The following PHC2 variants were observed in gnomAD, a reference collection of about 807,000 sequenced individuals.
PHC2 encodes polyhomeotic-like protein 2.
A neutral mutation model predicts 87.4 loss-of-function variants in PHC2; 29 were observed. That is an observed-to-expected ratio of 0.33 (90% CI 0.25 to 0.45). The LOEUF (loss-of-function observed/expected upper bound fraction) is 0.45, where lower values mean the gene tolerates loss of function less well. PHC2 is among the 20% of genes least tolerant of loss of function. The pLI is 1.00. For synonymous variants in PHC2, 438 were observed against 461.7 expected (o/e 0.95, Z 0.66); for missense variants, 857 against 1,136.7 (o/e 0.75, Z 3.54).
chr1:33,333,983 G>T, intron 10 of PHC2, 107 bp downstream of exon 10: 1 of 969,950 alleles, frequency 1.0e-6, no homozygotes, highest in South Asian at 1.5e-5. Context: ...AGCAAGGAAA[G>T]AGCAAATTGT....
intron 1 of PHC2, among the ~76,000 whole-genome samples, chr1:33,417,348 T>G (rs1447373124): frequency 6.6e-6 from 1 of 152,116 alleles, no homozygotes; most frequent in Non-Finnish European, 1.5e-5. Flanking sequence ...AGCAGAAATT[T>G]TTATATTGGA....
intron 1 of PHC2, among the ~76,000 whole-genome samples, chr1:33,399,476 G>A (rs1027303866): frequency 7.2e-5 from 11 of 152,204 alleles, no homozygotes; most frequent in African/African-American, 2.7e-4. Flanking sequence ...CCTGTCAGAT[G>A]CCATGTGAAC....
At chr1:33,375,871 G>A (rs570177250) in intron 1 of PHC2, among the ~76,000 whole-genome samples, 4 of 152,280 alleles carry the variant, frequency 2.6e-5, no homozygotes, top group African/African-American at 9.6e-5. Flanking sequence ...GGAGGATGTG[G>A]GTCAGTTATA....
rs890610555 is a variant in PHC2 at position 33,372,408 on chromosome 1, C to T, written c.214G>A (p.Ala72Thr). The T allele has an allele frequency of 1.1e-5, 17 of 1,603,036 alleles. No individual in the cohort carries two copies. The highest frequency in any genetic ancestry group is 1.9e-4 in the Middle Eastern group (1 of 5,388). Residue 72 changes from alanine to threonine, a missense_variant, in exon 3 of 15, where the codon GCT (alanine) becomes ACT (threonine). Ala to Thr is a moderately conservative substitution (Grantham distance 58). Around this residue, in one of 3 missense-constraint regions of PHC2, gnomAD observed 832 missense variants for 1,081.8 expected, o/e 0.77. Coordinates refer to ENST00000683057, the MANE Select transcript of PHC2 (RefSeq NM_001385109.1). ...QALHRQPSTA[A>T]QYLQQMYAAQ... is the part of the protein sequence containing the mutation. ...GCGTACATCTGCTGCAGGTACTGAG[C>T]GGCCGTGCTGGGCTGTCTGTGCAGG...
At chr1:33,390,685 AT>A (rs10616049) in intron 1 of PHC2, among the ~76,000 whole-genome samples, 34,853 of 148,102 alleles carry the variant, frequency 0.24, 7,286 homozygotes, top group African/African-American at 0.57. Context: ...AGGAGTCAGC[AT>A]TTTTTTTTTT....
chr1:33,375,438 ACTG>A lies in PHC2; in HGVS notation c.99_101del (p.Ser34del), dbSNP rs772294678. 17 of 1,612,270 alleles carry A rather than the reference ACTG, an allele frequency of 1.1e-5. No individual in the cohort carries two copies. The South Asian group carries it at 1.9e-4, about 18-fold the overall frequency. On this transcript the variant is annotated inframe_deletion, in exon 2 of 15. Coordinates refer to ENST00000683057, the MANE Select transcript of PHC2 (RefSeq NM_001385109.1). Reference sequence around the variant, plus strand: ...GCCCGGTGGGGCGGCCACTTCCACCACTGCTGCTGTTGTTGCAGCCACTGCTGC... The same window carrying A: ...GCCCGGTGGGGCGGCCACTTCCACCACTGCTGTTGTTGCAGCCACTGCTGC...
At chr1:33,429,854 T>G (rs1432340982) in intron 1 of PHC2, among the ~76,000 whole-genome samples, 1 of 152,252 alleles carries the variant, frequency 6.6e-6, no homozygotes, top group African/African-American at 2.4e-5. Flanking sequence ...TCTCTTGATT[T>G]AGAAGGAACG....
Position 33,332,487 on chromosome 1 carries a change from T to C in PHC2, c.1762-83A>G, listed in dbSNP as rs748234231. ...TCCATCCTCATCACAATTACACGTATAAAGTATCCAGGCACAGAGGCCAGC... is the reference window on the plus strand; with the variant it reads ...TCCATCCTCATCACAATTACACGTACAAAGTATCCAGGCACAGAGGCCAGC... On this transcript the variant is annotated intron_variant, in intron 10 of 14. Coordinates refer to ENST00000683057, the MANE Select transcript of PHC2 (RefSeq NM_001385109.1). This position sits in a 1 kb window ranked among gnomAD's most constrained non-coding sequence, Gnocchi z 4.2. 2 of 1,519,580 alleles carry C rather than the reference T, an allele frequency of 1.3e-6. No homozygotes were observed. The highest frequency in any genetic ancestry group is 1.7e-5 in the Admixed American group (1 of 59,204). 94.1% of individuals were successfully genotyped at this position (1,519,580 alleles called of 1,614,324 possible). A position where few individuals can be genotyped will look rare whatever the true frequency, so the allele number is the denominator to read the frequency against.
At chr1:33,420,943 T>C (rs1288232334) in intron 1 of PHC2, among the ~76,000 whole-genome samples, 1 of 152,226 alleles carries the variant, frequency 6.6e-6, no homozygotes, top group Non-Finnish European at 1.5e-5. Flanking sequence ...TTTCTTCATC[T>C]GTAAGATGGA....
chr1:33,349,298 G>A lies in PHC2; in HGVS notation c.1558+5103C>T. Reference sequence around the variant, plus strand: ...CCAGGGAAGTCGCAGCGGCGGGGAGGCCGGTCCTAGGTTGGGGCTGGGGTG... The same window carrying A: ...CCAGGGAAGTCGCAGCGGCGGGGAGACCGGTCCTAGGTTGGGGCTGGGGTG... On this transcript the variant is annotated intron_variant, in intron 9 of 14. Coordinates refer to ENST00000683057, the MANE Select transcript of PHC2 (RefSeq NM_001385109.1). This position sits in a 1 kb window ranked among gnomAD's most constrained non-coding sequence, Gnocchi z 4.2. 7.1e-6 allele frequency: 7 copies of A among 985,390 alleles called. No individual in the cohort carries two copies. Among genetic ancestry groups the A allele is most frequent in the Non-Finnish European group, 8.4e-6 (7 of 829,946 alleles). The allele number at this position is 985,390 out of a possible 1,614,324, so 61.0% of individuals were successfully genotyped here.
Position 33,332,351 on chromosome 1 carries a change from C to A in PHC2, c.1815G>T (p.Gly605=), listed in dbSNP as rs778828555. 1.2e-6 allele frequency: 2 copies of A among 1,614,180 alleles called. No homozygotes were observed. The highest frequency in any genetic ancestry group is 1.7e-6 in the Non-Finnish European group (2 of 1,180,022). ...GCTGTGGAAGTTTCTCAGGCAGGAACCCCTGTGCATACTTCTTCTTGAGAT... is the reference window on the plus strand; with the variant it reads ...GCTGTGGAAGTTTCTCAGGCAGGAAACCCTGTGCATACTTCTTCTTGAGAT... ...VGNLKKKYAQ[G]FLPEKLPQQD... The change falls in exon 11 of 15, where the codon GGG becomes GGT. Residue 605 remains glycine (G), a synonymous_variant. Coordinates refer to ENST00000683057, the MANE Select transcript of PHC2 (RefSeq NM_001385109.1). This position sits in a 1 kb window ranked among gnomAD's most constrained non-coding sequence, Gnocchi z 4.2.
At chr1:33,338,533 C>T (rs115712681) in intron 9 of PHC2, among the ~76,000 whole-genome samples, 2,219 of 152,270 alleles carry the variant, frequency 0.015, 47 homozygotes, top group African/African-American at 0.05. Context: ...CTGGAATGAC[C>T]GAACACAATC....
At position 33,364,165 on chromosome 1, in the gene PHC2, G is replaced by A. The variant is rs907389175; in HGVS notation, c.976+2951C>T. Reference sequence around the variant, plus strand: ...TGTCAGTGGGAGCAGTCCCAGCTGGGACTGGAGGGTCTGCCTGCTCTGGGA... The same window carrying A: ...TGTCAGTGGGAGCAGTCCCAGCTGGAACTGGAGGGTCTGCCTGCTCTGGGA... On this transcript the variant is annotated intron_variant, in intron 7 of 14. Coordinates refer to ENST00000683057, the MANE Select transcript of PHC2 (RefSeq NM_001385109.1). This position sits in a 1 kb window ranked among gnomAD's most constrained non-coding sequence, Gnocchi z 4.1. Among the ~76,000 whole-genome samples the A allele has an allele frequency of 1.3e-5, 2 of 152,036 alleles. No individual in the cohort carries two copies. Among genetic ancestry groups the A allele is most frequent in the Non-Finnish European group, 2.9e-5 (2 of 68,002 alleles).
intron 1 of PHC2, among the ~76,000 whole-genome samples, chr1:33,402,449 T>G (rs990352700): frequency 6.6e-6 from 1 of 152,154 alleles, no homozygotes; most frequent in Non-Finnish European, 1.5e-5. Context: ...TACACCTATC[T>G]TAGAAAAACT....
At chr1:33,414,519 G>A (rs1020938593) in intron 1 of PHC2, among the ~76,000 whole-genome samples, 2 of 152,172 alleles carry the variant, frequency 1.3e-5, no homozygotes, top group Non-Finnish European at 2.9e-5. Flanking sequence ...CACTGACAAA[G>A]AATTTAAATA....
intron 1 of PHC2, among the ~76,000 whole-genome samples, chr1:33,401,523 C>A (rs2148376478): frequency 6.6e-6 from 1 of 152,290 alleles, no homozygotes; most frequent in Admixed American, 6.5e-5. Flanking sequence ...CACCTCTTAC[C>A]AACTCCGCAT....
chr1:33,333,856 G>A (rs913123676), intron 10 of PHC2: 4 of 496,864 alleles, frequency 8.1e-6, no homozygotes, highest in African/African-American at 7.9e-5. Context: ...GAGTTTGTGT[G>A]GGAAACTTCT....
At chr1:33,390,619 A>G (rs1190354254) in intron 1 of PHC2, among the ~76,000 whole-genome samples, 1 of 152,132 alleles carries the variant, frequency 6.6e-6, no homozygotes, top group Non-Finnish European at 1.5e-5. Flanking sequence ...TATTGACTCT[A>G]TTTTTAAGAA....
intron 1 of PHC2, among the ~76,000 whole-genome samples, chr1:33,420,802 G>C (rs1650404317): frequency 6.6e-6 from 1 of 151,976 alleles, no homozygotes. Flanking sequence ...GTAGAGACAA[G>C]GTCTTGCCAC....
Sources: allele counts gnomAD v4.1 joint callset (sites outside exome capture counted in the v4.1 genomes callset), GRCh38; gene constraint gnomAD v4.1.1; regional missense constraint gnomAD v4.1.1; non-coding constraint Gnocchi (gnomAD v3.1); transcripts MANE v1.5; gene names NCBI Gene and HGNC (gene_info 2026-07-23, HGNC 2026-07-21).